Variants in INPP4B observed in about 807,000 individuals in gnomAD.
INPP4B encodes inositol polyphosphate-4-phosphatase type II B, also known as inositol polyphosphate 4-phosphatase type II.
In INPP4B, 55 loss-of-function variants were observed where a neutral mutation model predicts 122.5. The ratio of observed to expected loss-of-function variants is 0.45; its 90% CI spans 0.36 to 0.56. The LOEUF is 0.56. Among genes scored for constraint, INPP4B ranks in the 20% least tolerant of loss-of-function variants. The pLI is 0.00. For synonymous variants in INPP4B, 403 were observed against 388.7 expected (o/e 1.04, Z -0.43); for missense variants, 1,000 against 1,097.7 (o/e 0.91, Z 1.26).
chr4:142,736,322 AT>A (rs200973863), intron 1 of INPP4B, among the ~76,000 whole-genome samples: 3,754 of 151,676 alleles, frequency 0.025, 60 homozygotes, highest in Middle Eastern at 0.095. Flanking sequence ...TGCTCTTGTA[AT>A]TTTTTTTTAC....
At chr4:142,396,456 G>A (rs1347314001) in intron 7 of INPP4B, among the ~76,000 whole-genome samples, 1 of 152,016 alleles carries the variant, frequency 6.6e-6, no homozygotes, top group African/African-American at 2.4e-5. Context: ...GGAAAAGTTT[G>A]GCAATATCAT....
intron 2 of INPP4B, among the ~76,000 whole-genome samples, chr4:142,551,236 G>A (rs1413230253): frequency 3.9e-5 from 6 of 152,190 alleles, no homozygotes; most frequent in Non-Finnish European, 8.8e-5. Context: ...GTGTTTCTGA[G>A]GGAGTTGACT....
chr4:142,528,280 T>G (rs1456123186), intron 2 of INPP4B, among the ~76,000 whole-genome samples: 1 of 152,088 alleles, frequency 6.6e-6, no homozygotes, highest in Non-Finnish European at 1.5e-5. Flanking sequence ...ATACACTTCT[T>G]ATCTGGCTCA....
intron 11 of INPP4B, among the ~76,000 whole-genome samples, chr4:142,240,241 C>A (rs1858699837): frequency 6.6e-6 from 1 of 151,414 alleles, no homozygotes; most frequent in Non-Finnish European, 1.5e-5. Flanking sequence ...ACCATTGTTA[C>A]CCAGGCTGGT....
intron 23 of INPP4B, among the ~76,000 whole-genome samples, chr4:142,086,522 T>G (rs1304025212): frequency 6.6e-6 from 1 of 152,050 alleles, no homozygotes; most frequent in Non-Finnish European, 1.5e-5. Context: ...CCCAGCTACT[T>G]TTTGTATTTT....
At chr4:142,358,921 T>C (rs759754635) in intron 7 of INPP4B, among the ~76,000 whole-genome samples, 20 of 152,112 alleles carry the variant, frequency 1.3e-4, no homozygotes, top group Non-Finnish European at 2.5e-4. Context: ...TGAAAGTCCT[T>C]ATTTGTTGGA....
intron 1 of INPP4B, among the ~76,000 whole-genome samples, chr4:142,759,057 TATTACTA>T (rs1770919984): frequency 6.6e-6 from 1 of 152,144 alleles, no homozygotes; most frequent in Non-Finnish European, 1.5e-5. Flanking sequence ...TTATGCATGC[TATTACTA>T]ATTCTTACAG....
intron 1 of INPP4B, among the ~76,000 whole-genome samples, chr4:142,751,077 A>G (rs1769617068): frequency 6.6e-6 from 1 of 152,058 alleles, no homozygotes; most frequent in Admixed American, 6.6e-5. Context: ...GTACAGCTGT[A>G]AAAATAGCAT....
chr4:142,718,961 T>TA (rs930875279), intron 2 of INPP4B, among the ~76,000 whole-genome samples: 35 of 152,268 alleles, frequency 2.3e-4, no homozygotes, highest in African/African-American at 7.9e-4. Context: ...CTATACCAAC[T>TA]AAAAAAATCT....
intron 2 of INPP4B, among the ~76,000 whole-genome samples, chr4:142,524,156 C>T (rs1560755432): frequency 6.6e-6 from 1 of 151,892 alleles, no homozygotes; most frequent in Non-Finnish European, 1.5e-5. Context: ...GATTTATAGT[C>T]CTTTGGGTAT....
In INPP4B at chr4:142,024,181, A is replaced by C. The variant is rs1390342638; in HGVS notation, c.*4601T>G. The C allele has an allele frequency of 6.6e-6, 1 of 152,202 alleles. No homozygotes were observed. The highest frequency in any genetic ancestry group is 1.5e-5 in the Non-Finnish European group (1 of 68,028). The allele number at this position is 152,202 out of a possible 1,614,324, so 9.4% of individuals were successfully genotyped here. On this transcript the variant is annotated 3_prime_UTR_variant, in exon 26 of 26. Coordinates refer to ENST00000262992, the MANE Select transcript of INPP4B (RefSeq NM_001101669.3). ...ATTCATTTTATTTTCCAATTCTTAA[A>C]GATAGTTTTTGCTATAGGTGGCATC... is the stretch of plus-strand genomic sequence containing the variant.
At chr4:142,663,582 T>C (rs976173214) in intron 2 of INPP4B, among the ~76,000 whole-genome samples, 3 of 152,098 alleles carry the variant, frequency 2.0e-5, no homozygotes, top group Non-Finnish European at 4.4e-5. Flanking sequence ...TTTTCTTCAA[T>C]ATAAGGAGCA....
chr4:142,526,735 T>C (rs1481887217), intron 2 of INPP4B, among the ~76,000 whole-genome samples: 2 of 152,086 alleles, frequency 1.3e-5, no homozygotes, highest in East Asian at 3.9e-4. Context: ...TTCTTTAGTG[T>C]TTCTCATATG....
intron 2 of INPP4B, among the ~76,000 whole-genome samples, chr4:142,515,236 G>A (rs941877418): frequency 6.6e-6 from 1 of 152,088 alleles, no homozygotes; most frequent in Non-Finnish European, 1.5e-5. Context: ...ATCTAAGAAG[G>A]GCTATTCGTC....
intron 10 of INPP4B, among the ~76,000 whole-genome samples, chr4:142,266,353 A>G (rs1293894338): frequency 6.6e-6 from 1 of 152,136 alleles, no homozygotes; most frequent in Non-Finnish European, 1.5e-5. Context: ...TATTTTTATA[A>G]TGTGGGATAT....
intron 2 of INPP4B, among the ~76,000 whole-genome samples, chr4:142,677,873 G>A (rs1163321317): frequency 6.6e-6 from 1 of 151,940 alleles, no homozygotes; most frequent in Non-Finnish European, 1.5e-5. Context: ...GATAGCATTA[G>A]GAGAAATACC....
At chr4:142,677,798 C>T (rs1444449394) in intron 2 of INPP4B, among the ~76,000 whole-genome samples, 1 of 151,952 alleles carries the variant, frequency 6.6e-6, no homozygotes, top group African/African-American at 2.4e-5. Flanking sequence ...ACAATGAGAA[C>T]ACATGGCCAC....
At chr4:142,493,848 A>G (rs1481515335) in intron 2 of INPP4B, among the ~76,000 whole-genome samples, 1 of 152,046 alleles carries the variant, frequency 6.6e-6, no homozygotes, top group African/African-American at 2.4e-5. Context: ...GGAAATGAGA[A>G]CTGGGAGGGA....
At chr4:142,588,153 A>G (rs1056120162) in intron 2 of INPP4B, among the ~76,000 whole-genome samples, 11 of 151,938 alleles carry the variant, frequency 7.2e-5, no homozygotes, top group African/African-American at 2.4e-4. Flanking sequence ...AGTAACAGAG[A>G]AGAATTTATT....
Sources: gnomAD v4.1 joint callset for allele counts (sites outside exome capture counted in the v4.1 genomes callset) on GRCh38, gnomAD v4.1.1 for gene constraint, MANE v1.5 for transcripts, NCBI Gene and HGNC (gene_info 2026-07-23, HGNC 2026-07-21) for gene names.